PLXNC1: variants seen among roughly 807,000 people sequenced by gnomAD.
PLXNC1 encodes plexin-C1.
In PLXNC1, 75 loss-of-function variants were observed where a neutral mutation model predicts 178.2. The ratio of observed to expected loss-of-function variants is 0.42; its 90% CI spans 0.35 to 0.51. The LOEUF (loss-of-function observed/expected upper bound fraction) is 0.51, where lower values mean the gene tolerates loss of function less well. PLXNC1 is among the 20% of genes least tolerant of loss of function. The pLI is 0.02. For missense variants in PLXNC1, 1,503 were observed against 1,984.4 expected, an observed-to-expected ratio of 0.76 and a Z score of 4.61; for synonymous variants, 790 against 779.9, an observed-to-expected ratio of 1.01 and a Z score of -0.22.
chr12:94,293,632 G>A (rs1004516209), intron 23 of PLXNC1, among the ~76,000 whole-genome samples: 1 of 152,130 alleles, frequency 6.6e-6, no homozygotes, highest in African/African-American at 2.4e-5. Context: ...TTCCTCCTCT[G>A]TTTAGAGACA....
intron 2 of PLXNC1, among the ~76,000 whole-genome samples, chr12:94,180,077 CCTT>C (rs1441605857): frequency 1.3e-5 from 2 of 152,186 alleles, no homozygotes; most frequent in African/African-American, 4.8e-5. Context: ...TCAAACCCTG[CCTT>C]CTTACCATCT....
chr12:94,151,629 G>A (rs1470923776), intron 1 of PLXNC1, among the ~76,000 whole-genome samples: 1 of 152,124 alleles, frequency 6.6e-6, no homozygotes, highest in Non-Finnish European at 1.5e-5. Flanking sequence ...ATATTACTTT[G>A]TGTCAAGCTT....
At chr12:94,158,612 C>T (rs139650422) in intron 1 of PLXNC1, among the ~76,000 whole-genome samples, 13 of 152,244 alleles carry the variant, frequency 8.5e-5, no homozygotes, top group East Asian at 5.8e-4. Flanking sequence ...GCCTGGGCAA[C>T]GTAGCAAGAC....
chr12:94,192,089 C>T (rs1962747151), intron 4 of PLXNC1, among the ~76,000 whole-genome samples: 1 of 152,108 alleles, frequency 6.6e-6, no homozygotes, highest in African/African-American at 2.4e-5. Flanking sequence ...ATGCATTTTC[C>T]CATAGAAACA....
rs1400689862 is a variant in PLXNC1, at chr12:94,182,729, A to C, written c.1338+1149A>C. On this transcript the variant is annotated intron_variant, in intron 3 of 30. Coordinates refer to ENST00000258526, the MANE Select transcript of PLXNC1 (RefSeq NM_005761.3). ...AACAGAGTGAGACTCTGTCTCAAAA[A>C]AGAAAAAAAAAAGAAAGAAGAAGAA... 3.9e-5 allele frequency among the ~76,000 whole-genome samples: 6 copies of C among 152,190 alleles called. No individual in the cohort carries two copies. The East Asian group carries it at 1.2e-3, about 29-fold the overall frequency.
chr12:94,292,790 C>T (rs1448121894), intron 23 of PLXNC1, among the ~76,000 whole-genome samples: 1 of 152,154 alleles, frequency 6.6e-6, no homozygotes, highest in Non-Finnish European at 1.5e-5. Context: ...GCCGAATTTT[C>T]CACTTGTGGC....
intron 1 of PLXNC1, chr12:94,158,111 C>G (rs1162866124): frequency 6.6e-6 from 1 of 152,200 alleles, no homozygotes; most frequent in Non-Finnish European, 1.5e-5. Flanking sequence ...CCCATACAGT[C>G]TGATGCTCAT....
At position 94,191,682 on chromosome 12, in the gene PLXNC1, G is replaced by C. The variant is rs187084745; in HGVS notation, c.1439+5209G>C. Among the ~76,000 whole-genome samples the C allele has an allele frequency of 1.6e-4, 24 of 152,032 alleles. No homozygotes were observed. The East Asian group carries it at 4.2e-3, about 27-fold the overall frequency. On this transcript the variant is annotated intron_variant, in intron 4 of 30. Coordinates refer to ENST00000258526, the MANE Select transcript of PLXNC1 (RefSeq NM_005761.3). ...GCCTGTAATCCCAGCAACACGGGAG[G>C]CTGAGGCAGTAGAATCACTTGAACC...
intron 17 of PLXNC1, among the ~76,000 whole-genome samples, chr12:94,256,678 G>T (rs1438131618): frequency 6.6e-6 from 1 of 152,078 alleles, no homozygotes; most frequent in Non-Finnish European, 1.5e-5. Flanking sequence ...GGAGATTTTT[G>T]ACTATCAACA....
At chr12:94,264,863 C>T (rs891530964) in intron 20 of PLXNC1, among the ~76,000 whole-genome samples, 2 of 152,190 alleles carry the variant, frequency 1.3e-5, no homozygotes, top group East Asian at 1.9e-4. Flanking sequence ...CACGCGTGCG[C>T]GTGTGCAGAT....
chr12:94,160,621 A>G (rs1961350099), intron 1 of PLXNC1, among the ~76,000 whole-genome samples: 3 of 152,168 alleles, frequency 2.0e-5, no homozygotes, highest in Non-Finnish European at 4.4e-5. Context: ...AGAGGGGGGA[A>G]TAGCCTAGAG....
intron 4 of PLXNC1, among the ~76,000 whole-genome samples, chr12:94,192,668 A>T (rs1962770383): frequency 6.6e-6 from 1 of 152,118 alleles, no homozygotes; most frequent in Non-Finnish European, 1.5e-5. Flanking sequence ...GTAGCATGAG[A>T]GACCAAGCTA....
At chr12:94,162,849 C>CT (rs1225191358) in intron 1 of PLXNC1, among the ~76,000 whole-genome samples, 1 of 152,104 alleles carries the variant, frequency 6.6e-6, no homozygotes, top group Non-Finnish European at 1.5e-5. Flanking sequence ...TTCAGTGGTT[C>CT]TTAACAGGGG....
chr12:94,248,434 C>T (rs764654549), intron 14 of PLXNC1, 22 bp downstream of exon 14: 7 of 1,565,650 alleles, frequency 4.5e-6, no homozygotes, highest in Non-Finnish European at 6.1e-6. Context: ...GGCAGTCCCA[C>T]CTGCTGTCTT....
chr12:94,159,681 C>T (rs1476403525), intron 1 of PLXNC1, among the ~76,000 whole-genome samples: 1 of 152,116 alleles, frequency 6.6e-6, no homozygotes. Context: ...CTTCTCCGAG[C>T]ACAGGAGAGC....
At chr12:94,226,523 C>G in intron 7 of PLXNC1, 82 bp from the exon 8 acceptor site, 1 of 846,190 alleles carries the variant, frequency 1.2e-6, no homozygotes, top group Non-Finnish European at 1.9e-6. Context: ...TAAATGCTTG[C>G]ATGCCACATC....
chr12:94,258,510 T>C (rs1191706268), intron 17 of PLXNC1, among the ~76,000 whole-genome samples: 1 of 152,242 alleles, frequency 6.6e-6, no homozygotes. Flanking sequence ...TTCTGTGGAC[T>C]TAAAGTATTG....
At chr12:94,156,627 G>T (rs1961176802) in intron 1 of PLXNC1, among the ~76,000 whole-genome samples, 1 of 151,110 alleles carries the variant, frequency 6.6e-6, no homozygotes, top group South Asian at 2.1e-4. Flanking sequence ...ACAGGCGGGT[G>T]CTATCACGCC....
intron 15 of PLXNC1, among the ~76,000 whole-genome samples, chr12:94,254,152 C>T (rs1964777005): frequency 6.6e-6 from 1 of 152,206 alleles, no homozygotes; most frequent in African/African-American, 2.4e-5. Context: ...CACAGAGATG[C>T]TGAGGAACTT....
Sources: gnomAD v4.1 joint callset for allele counts (sites outside exome capture counted in the v4.1 genomes callset) on GRCh38, gnomAD v4.1.1 for gene constraint, MANE v1.5 for transcripts, NCBI Gene and HGNC (gene_info 2026-07-23, HGNC 2026-07-21) for gene names.